CPA1: variants seen among roughly 807,000 people sequenced by gnomAD.
CPA1 encodes the protein carboxypeptidase A1 (pancreatic).
A neutral mutation model predicts 48.7 loss-of-function variants in CPA1; 42 were observed. That is an observed-to-expected ratio of 0.86 (90% CI 0.67 to 1.11). The LOEUF is 1.11. Among genes scored for constraint, CPA1 ranks in the 50% most tolerant of loss-of-function variants. CPA1 has a pLI of 0.00. For missense variants in CPA1, 477 were observed against 544.7 expected (o/e 0.88, Z 1.24); for synonymous variants, 203 against 217.9 (o/e 0.93, Z 0.60).
In CPA1 at chr7:130,387,268, G is replaced by T. The variant is rs1290229524; in HGVS notation, c.1073-556G>T. 6.6e-6 allele frequency among the ~76,000 whole-genome samples: 1 copy of T among 152,228 alleles called. No homozygotes were observed. Among genetic ancestry groups the T allele is most frequent in the African/African-American group, 2.4e-5 (1 of 41,458 alleles). On this transcript the variant is annotated intron_variant, in intron 9 of 9. Coordinates refer to ENST00000011292, the MANE Select transcript of CPA1 (RefSeq NM_001868.4). The surrounding 1 kb of genome is among the most constrained non-coding windows in gnomAD (Gnocchi z 4.6). ...GAAACTGATTCAACTCTGAGTCAAG[G>T]TTTTGCTTCATTCAACATGGTCAAG...
intron 4 of CPA1, 84 bp downstream of exon 4, chr7:130,382,293 C>A: frequency 9.4e-7 from 1 of 1,058,924 alleles, no homozygotes; most frequent in Non-Finnish European, 1.4e-6. Context: ...CCGGGGAAAT[C>A]ATGGTACCAG....
rs1371464418 is a variant in CPA1, at chr7:130,388,037, C to T, written c.*26C>T. The stretch of plus-strand genomic sequence containing the variant: ...GCTGACCCTTTGACACCCTTCTTGT[C>T]CTCCTCTCTGGCCCCATCCAGGCAA... On this transcript the variant is annotated 3_prime_UTR_variant, in exon 10 of 10. Coordinates refer to ENST00000011292, the MANE Select transcript of CPA1 (RefSeq NM_001868.4). 2.5e-6 allele frequency: 4 copies of T among 1,610,108 alleles called. No individual in the cohort carries two copies. The highest frequency in any genetic ancestry group is 3.4e-6 in the Non-Finnish European group (4 of 1,177,026).
At chr7:130,384,873 C>T (rs1344286012) in intron 7 of CPA1, 5 of 605,956 alleles carry the variant, frequency 8.3e-6, no homozygotes, top group African/African-American at 7.4e-5. Context: ...TCTAGCTTAA[C>T]CTCAAGTCCT....
chr7:130,383,518 T>A, intron 5 of CPA1, 26 bp downstream of exon 5: 1 of 1,579,794 alleles, frequency 6.3e-7, no homozygotes, highest in Non-Finnish European at 8.7e-7. Context: ...TGAGGAGGGC[T>A]CTCACCTGGT....
intron 7 of CPA1, chr7:130,384,894 C>G: frequency 5.0e-6 from 3 of 605,910 alleles, no homozygotes; most frequent in Non-Finnish European, 5.8e-6. Flanking sequence ...CCCGCCTTGG[C>G]CACGTCTCTG....
intron 7 of CPA1, 48 bp downstream of exon 7, chr7:130,384,674 G>A: frequency 6.8e-7 from 1 of 1,477,084 alleles, no homozygotes. Context: ...GCCTCGAATG[G>A]CTCCTCACCA....
intron 3 of CPA1, 59 bp downstream of exon 3, chr7:130,381,922 G>GA (rs1462947530): frequency 6.6e-7 from 1 of 1,513,112 alleles, no homozygotes; most frequent in African/African-American, 1.4e-5. Context: ...ATGGCTGGTA[G>GA]AACGCGGTAG....
chr7:130,380,562 C>A lies in CPA1; in HGVS notation c.42C>A (p.Val14=), dbSNP rs1796390914. 1 of 1,316,754 alleles carries A rather than the reference C, an allele frequency of 7.6e-7. No homozygotes were observed. The allele number at this position is 1,316,754 out of a possible 1,614,324, so 81.6% of individuals were successfully genotyped here. The change falls in exon 1 of 10, where the codon GTC becomes GTA. Residue 14 remains valine, a synonymous_variant. Coordinates refer to ENST00000011292, the MANE Select transcript of CPA1 (RefSeq NM_001868.4). ...TGTTGAGTGTCCTGTTGGGGGCTGT[C>A]TTTGGCAAGGAGGACTTTGTGGGGT... ...LLVLSVLLGA[V]FGKEDFVGHQ...
chr7:130,386,731 A>G (rs1554412092), intron 9 of CPA1, among the ~76,000 whole-genome samples: 1 of 152,244 alleles, frequency 6.6e-6, no homozygotes, highest in Non-Finnish European at 1.5e-5. Context: ...ATAGCCATGA[A>G]TGAAATAAGC....
chr7:130,380,739 G>T (rs1471631131), intron 1 of CPA1, 154 bp downstream of exon 1: 2 of 489,704 alleles, frequency 4.1e-6, no homozygotes, highest in Admixed American at 3.8e-5. Context: ...AGCAACCAGG[G>T]TTGGGAAGAG....
Position 130,381,625 on chromosome 7 carries a change from C to T in CPA1, c.148-5C>T. The T allele has an allele frequency of 1.2e-6, 2 of 1,612,120 alleles. No individual in the cohort carries two copies. Among genetic ancestry groups the T allele is most frequent in the Non-Finnish European group, 1.7e-6 (2 of 1,178,736 alleles). ...TGTGACCGTGCCGGCTCTTGTCCTC[C>T]CCAGCTGGACTTCTGGCGGGGGCCT... On this transcript the variant is annotated splice_polypyrimidine_tract_variant and splice_region_variant and intron_variant, in intron 2 of 9. Coordinates refer to ENST00000011292, the MANE Select transcript of CPA1 (RefSeq NM_001868.4).
intron 9 of CPA1, among the ~76,000 whole-genome samples, chr7:130,386,837 T>G (rs1554412099): frequency 4.6e-5 from 7 of 151,994 alleles, no homozygotes. Flanking sequence ...GGAGGAAAAC[T>G]AAAACTAGAC....
At chr7:130,384,046 G>T in intron 6 of CPA1, 1 of 538,706 alleles carries the variant, frequency 1.9e-6, no homozygotes, top group Non-Finnish European at 3.3e-6. Context: ...GCCAGTAGGA[G>T]CCCCCCTCTC....
At chr7:130,382,347 G>A (rs933693956) in intron 4 of CPA1, 138 bp downstream of exon 4, 24 of 657,408 alleles carry the variant, frequency 3.7e-5, no homozygotes, top group Non-Finnish European at 5.6e-5. Context: ...CATTTGGAAA[G>A]GCCTGAGTCT....
chr7:130,382,630 ATTTTTTT>A lies in CPA1; in HGVS notation c.483+439_483+445del, dbSNP rs34457825. Among the ~76,000 whole-genome samples the A allele has an allele frequency of 2.8e-3, 211 of 74,382 alleles. 1 individual carries two copies. Among genetic ancestry groups the A allele is most frequent in the African/African-American group, 0.011 (192 of 16,832 alleles). 48.8% of individuals were successfully genotyped at this position (74,382 alleles called of 152,430 possible). ...AAGCACGTGCCACCATGCCCGGGTA[ATTTTTTT>A]TTTTTTTTTTTTTTTTTGAGACAGA... On this transcript the variant is annotated intron_variant, in intron 4 of 9. Coordinates refer to ENST00000011292, the MANE Select transcript of CPA1 (RefSeq NM_001868.4).
intron 8 of CPA1, 85 bp from the exon 9 acceptor site, chr7:130,385,754 T>TC: frequency 9.1e-7 from 1 of 1,095,648 alleles, no homozygotes; most frequent in African/African-American, 1.5e-5. Flanking sequence ...TCTCCTAGGC[T>TC]CCCCTGCCAG....
chr7:130,385,864 C>T lies in CPA1; in HGVS notation c.1013C>T (p.Thr338Ile), dbSNP rs1796467748. 1.2e-6 allele frequency: 2 copies of T among 1,614,154 alleles called. No homozygotes were observed. Among genetic ancestry groups the T allele is most frequent in the Middle Eastern group, 3.3e-4 (2 of 6,062 alleles). The change falls in exon 9 of 10, where the codon ACA (threonine) becomes ATA (isoleucine). Residue 338 changes from threonine (T) to isoleucine (I), a missense_variant. Physicochemically the swap from Thr to Ile is moderately conservative, Grantham distance 89 (BLOSUM62 -1). Coordinates refer to ENST00000011292, the MANE Select transcript of CPA1 (RefSeq NM_001868.4). ...ELDQLSKAAV[T>I]ALASLYGTKF... ...GATCAGCTTTCCAAGGCTGCTGTGACAGCCCTGGCCTCTCTCTACGGGACC... is the reference window on the plus strand; with the variant it reads ...GATCAGCTTTCCAAGGCTGCTGTGATAGCCCTGGCCTCTCTCTACGGGACC...
intron 4 of CPA1, 93 bp downstream of exon 4, chr7:130,382,302 A>G (rs1360801511): frequency 1.0e-6 from 1 of 956,978 alleles, no homozygotes; most frequent in Non-Finnish European, 1.6e-6. Context: ...TCATGGTACC[A>G]GGGAACACGC....
At chr7:130,386,537 A>G (rs782479241) in intron 9 of CPA1, among the ~76,000 whole-genome samples, 10 of 152,110 alleles carry the variant, frequency 6.6e-5, no homozygotes, top group Admixed American at 2.0e-4. Flanking sequence ...ATGTCAAAAA[A>G]ACAAAAACAA....
Sources: allele counts gnomAD v4.1 joint callset (sites outside exome capture counted in the v4.1 genomes callset), GRCh38; gene constraint gnomAD v4.1.1; non-coding constraint Gnocchi (gnomAD v3.1); transcripts MANE v1.5; gene names NCBI Gene and HGNC (gene_info 2026-07-23, HGNC 2026-07-21).